Variants in TAB2 observed in about 807,000 individuals in gnomAD.
TAB2 encodes the protein TGF-beta-activated kinase 1 and MAP3K7-binding protein 2.
In TAB2, 3 loss-of-function variants were observed where a neutral mutation model predicts 65.0. The observed-to-expected ratio is 0.05, with a 90% CI of 0.02 to 0.12. The LOEUF (loss-of-function observed/expected upper bound fraction) is 0.12. TAB2 is among the 10% of genes least tolerant of loss of function. TAB2 has a pLI of 1.00. For synonymous variants in TAB2, 298 were observed against 285.1 expected (o/e 1.05, Z -0.46); for missense variants, 623 against 840.3 (o/e 0.74, Z 3.20).
intron 1 of TAB2, among the ~76,000 whole-genome samples, chr6:149,288,649 A>G (rs1310442982): frequency 1.3e-5 from 2 of 152,188 alleles, no homozygotes; most frequent in Non-Finnish European, 2.9e-5. Flanking sequence ...GCATGAAGGA[A>G]CTTGAAATAC....
At chr6:149,249,464 CTCTG>C (rs1287467635) in intron 1 of TAB2, among the ~76,000 whole-genome samples, 6 of 152,008 alleles carry the variant, frequency 3.9e-5, no homozygotes, top group Non-Finnish European at 5.9e-5. Flanking sequence ...GTCTCTCTAT[CTCTG>C]TCTTTCTCTC....
At chr6:149,401,050 C>CA (rs984797511) in intron 6 of TAB2, 33 of 196,122 alleles carry the variant, frequency 1.7e-4, no homozygotes, top group South Asian at 4.9e-4. Flanking sequence ...TTAACAACAA[C>CA]AAAAAAAAAT....
At chr6:149,405,907 G>A (rs1455152699) in intron 6 of TAB2, among the ~76,000 whole-genome samples, 1 of 152,118 alleles carries the variant, frequency 6.6e-6, no homozygotes, top group Non-Finnish European at 1.5e-5. Context: ...CACCACGGTG[G>A]GGGGTGGGGA....
intron 1 of TAB2, among the ~76,000 whole-genome samples, chr6:149,293,605 G>A (rs751311650): frequency 6.6e-6 from 1 of 152,148 alleles, no homozygotes; most frequent in Non-Finnish European, 1.5e-5. Flanking sequence ...ATTCAGCCTG[G>A]GTAGAAAAGG....
intron 1 of TAB2, among the ~76,000 whole-genome samples, chr6:149,278,213 T>C (rs1367956080): frequency 6.6e-6 from 1 of 152,222 alleles, no homozygotes; most frequent in African/African-American, 2.4e-5. Flanking sequence ...GTAATAAATA[T>C]ACACAATGCA....
rs563213691 is a variant in TAB2 at position 149,235,766 on chromosome 6, G to A, written c.-121+16990G>A. Among the ~76,000 whole-genome samples the A allele has an allele frequency of 1.6e-4, 25 of 152,310 alleles. No homozygotes were observed. In the South Asian group the frequency reaches 3.9e-3, roughly 24 times the overall value. ...TGCTCAAGATTCATGTCCTAGGAGC[G>A]TGAATTTCATTAGACATGCATAGGT... On this transcript the variant is annotated intron_variant, in intron 1 of 1. Coordinates refer to the TAB2 transcript ENST00000606202.
chr6:149,397,905 A>G, intron 4 of TAB2, 64 bp from the exon 5 acceptor site: 2 of 1,584,542 alleles, frequency 1.3e-6, no homozygotes, highest in Non-Finnish European at 1.7e-6. Context: ...GCCAAACTCC[A>G]TTCTTTATTA....
At chr6:149,399,029 A>G in intron 5 of TAB2, 75 bp from the exon 6 acceptor site, 1 of 1,297,670 alleles carries the variant, frequency 7.7e-7, no homozygotes, top group African/African-American at 1.5e-5. Flanking sequence ...ATTTTTAGAA[A>G]GAAATACTTG....
At chr6:149,403,259 T>TATATACAC (rs1429312722) in intron 6 of TAB2, among the ~76,000 whole-genome samples, 7 of 36,224 alleles carry the variant, frequency 1.9e-4, no homozygotes, top group African/African-American at 1.2e-3. Flanking sequence ...TATATATATA[T>TATATACAC]ATATATATAT....
At chr6:149,312,692 T>C (rs1474658539) in intron 1 of TAB2, among the ~76,000 whole-genome samples, 1 of 152,222 alleles carries the variant, frequency 6.6e-6, no homozygotes, top group Non-Finnish European at 1.5e-5. Flanking sequence ...CTAAAATTCT[T>C]TGCTTTTCAC....
intron 1 of TAB2, among the ~76,000 whole-genome samples, chr6:149,284,076 C>T (rs1322894797): frequency 2.0e-5 from 3 of 152,138 alleles, no homozygotes; most frequent in Non-Finnish European, 4.4e-5. Flanking sequence ...TATATCTTCT[C>T]TTTTTAGAGC....
intron 1 of TAB2, chr6:149,245,685 G>A (rs1777696525): frequency 6.6e-6 from 1 of 151,830 alleles, no homozygotes; most frequent in Non-Finnish European, 1.5e-5. Flanking sequence ...ATACAGATAT[G>A]GAAACAATGC....
At chr6:149,390,439 G>A (rs1411348222) in intron 3 of TAB2, among the ~76,000 whole-genome samples, 1 of 152,084 alleles carries the variant, frequency 6.6e-6, no homozygotes, top group Non-Finnish European at 1.5e-5. Context: ...TTCTCAGTAA[G>A]CAAATTCTCG....
intron 6 of TAB2, 97 bp from the exon 7 acceptor site, chr6:149,409,480 C>G: frequency 9.1e-7 from 1 of 1,104,684 alleles, no homozygotes; most frequent in Non-Finnish European, 1.4e-6. Context: ...GAGCAAGCTG[C>G]ATCAGGCTGT....
chr6:149,231,303 A>G (rs1158959233), intron 1 of TAB2, among the ~76,000 whole-genome samples: 1 of 152,352 alleles, frequency 6.6e-6, no homozygotes, highest in African/African-American at 2.4e-5. Context: ...AACAGTCACC[A>G]CTTTAATGTC....
Position 149,403,269 on chromosome 6 carries a change from T to TAC in TAB2, c.1939+4086_1939+4087insCA, listed in dbSNP as rs1481734931. 1.8e-3 allele frequency among the ~76,000 whole-genome samples: 84 copies of TAC among 47,802 alleles called. 4 individuals are homozygous for TAC. The highest frequency in any genetic ancestry group is 3.2e-3 in the East Asian group (4 of 1,268). The allele number at this position is 47,802 out of a possible 152,430, so 31.4% of individuals were successfully genotyped here. A position where few individuals can be genotyped will look rare whatever the true frequency, so the allele number is the denominator to read the frequency against. Reference sequence around the variant, plus strand: ...AAAAATATATATATATATATATATATATATATATATATATACACACACACA... The same window carrying TAC: ...AAAAATATATATATATATATATATATACATATATATATATATACACACACACA... On this transcript the variant is annotated intron_variant, in intron 6 of 6. Coordinates refer to ENST00000637181, the MANE Select transcript of TAB2 (RefSeq NM_001292034.3).
intron 1 of TAB2, among the ~76,000 whole-genome samples, chr6:149,300,652 T>G (rs1778954435): frequency 6.6e-6 from 1 of 152,160 alleles, no homozygotes; most frequent in Non-Finnish European, 1.5e-5. Flanking sequence ...GGAACCATCT[T>G]TTACCCCACC....
At chr6:149,380,717 T>C (rs571113481) in intron 3 of TAB2, among the ~76,000 whole-genome samples, 1 of 152,338 alleles carries the variant, frequency 6.6e-6, no homozygotes, top group Admixed American at 6.5e-5. Flanking sequence ...AATCATTTCA[T>C]GTATCAGCTG....
At chr6:149,248,212 C>T (rs893430803) in intron 1 of TAB2, among the ~76,000 whole-genome samples, 3 of 151,892 alleles carry the variant, frequency 2.0e-5, no homozygotes, top group African/African-American at 4.8e-5. Context: ...ACCAACATGG[C>T]GAAACCCCGT....
Sources: gnomAD v4.1 joint callset for allele counts (sites outside exome capture counted in the v4.1 genomes callset) on GRCh38, gnomAD v4.1.1 for gene constraint, MANE v1.5 for transcripts, NCBI Gene and HGNC (gene_info 2026-07-23, HGNC 2026-07-21) for gene names.